The following LRRIQ3 variants were observed in gnomAD, a reference collection of about 807,000 sequenced individuals.
The protein encoded by LRRIQ3 is leucine rich repeats and IQ motif containing 3, also known as leucine-rich repeat and IQ domain-containing protein 3.
In LRRIQ3, 75 loss-of-function variants were observed where a neutral mutation model predicts 59.3. The observed-to-expected ratio is 1.26, with a 90% CI of 1.05 to 1.53. LRRIQ3 has a LOEUF of 1.53. LRRIQ3 is among the 40% of genes most tolerant of loss of function. The pLI is 0.00. For synonymous variants in LRRIQ3, 250 were observed against 231.3 expected, an observed-to-expected ratio of 1.08 and a Z score of -0.73; for missense variants, 831 against 710.0, an observed-to-expected ratio of 1.17 and a Z score of -1.94.
intron 3 of LRRIQ3, among the ~76,000 whole-genome samples, chr1:74,171,810 A>G (rs182426165): frequency 2.6e-5 from 4 of 152,268 alleles, no homozygotes; most frequent in East Asian, 3.9e-4. Flanking sequence ...CTTATTTGTT[A>G]TAGGTATGTT....
At chr1:74,095,772 G>A (rs1557612216) in intron 5 of LRRIQ3, among the ~76,000 whole-genome samples, 1 of 151,976 alleles carries the variant, frequency 6.6e-6, no homozygotes, top group Non-Finnish European at 1.5e-5. Flanking sequence ...TAACTTATAA[G>A]TTTATCCAAA....
intron 3 of LRRIQ3, among the ~76,000 whole-genome samples, chr1:74,174,241 G>A (rs1236530685): frequency 1.3e-5 from 2 of 151,354 alleles, no homozygotes; most frequent in Non-Finnish European, 2.9e-5. Flanking sequence ...TCTCTGACTG[G>A]ACACTTTCAA....
At chr1:74,036,656 G>T (rs1334288156) in intron 7 of LRRIQ3, among the ~76,000 whole-genome samples, 1 of 152,092 alleles carries the variant, frequency 6.6e-6, no homozygotes, top group Non-Finnish European at 1.5e-5. Flanking sequence ...TAATCTCATT[G>T]CTTTTTGCCA....
chr1:74,139,139 T>C (rs564675695), intron 4 of LRRIQ3, among the ~76,000 whole-genome samples: 11 of 133,704 alleles, frequency 8.2e-5, no homozygotes, highest in South Asian at 4.6e-4. Flanking sequence ...TATATATATA[T>C]ACATGTGTGT....
At chr1:74,112,343 T>G (rs1280942706) in intron 4 of LRRIQ3, among the ~76,000 whole-genome samples, 1 of 152,090 alleles carries the variant, frequency 6.6e-6, no homozygotes, top group Non-Finnish European at 1.5e-5. Context: ...GTAGAGATTA[T>G]GATGTTAAGC....
chr1:74,063,086 AAAC>A (rs1654770381), intron 6 of LRRIQ3, among the ~76,000 whole-genome samples: 2 of 151,636 alleles, frequency 1.3e-5, no homozygotes. Context: ...AAAAAAATCA[AAAC>A]AAAACAAAAC....
intron 1 of LRRIQ3, among the ~76,000 whole-genome samples, chr1:74,188,413 TA>T (rs1190519457): frequency 6.6e-6 from 1 of 152,102 alleles, no homozygotes; most frequent in Non-Finnish European, 1.5e-5. Flanking sequence ...TCCCTGAACT[TA>T]AAGCAAAAAT....
At chr1:74,034,809 T>C (rs757321639) in intron 7 of LRRIQ3, among the ~76,000 whole-genome samples, 1 of 150,840 alleles carries the variant, frequency 6.6e-6, no homozygotes, top group African/African-American at 2.4e-5. Context: ...TGCTTTTTTT[T>C]ATTTAAAACT....
chr1:74,163,619 C>A (rs1648789015), intron 3 of LRRIQ3, among the ~76,000 whole-genome samples: 1 of 151,478 alleles, frequency 6.6e-6, no homozygotes, highest in African/African-American at 2.4e-5. Flanking sequence ...GAGTACTATA[C>A]CATGGTAGGG....
chr1:74,089,488 T>C (rs917502049), intron 5 of LRRIQ3, among the ~76,000 whole-genome samples: 2 of 152,078 alleles, frequency 1.3e-5, no homozygotes, highest in African/African-American at 4.8e-5. Flanking sequence ...GAATTGTTGA[T>C]AAATGTTACA....
chr1:74,129,408 T>G (rs1646980301), intron 4 of LRRIQ3, among the ~76,000 whole-genome samples: 2 of 152,026 alleles, frequency 1.3e-5, no homozygotes, highest in African/African-American at 4.8e-5. Context: ...ACCTCTGATG[T>G]TTATTCAAGG....
chr1:74,085,370 T>A (rs917478516), intron 5 of LRRIQ3, among the ~76,000 whole-genome samples: 1 of 148,414 alleles, frequency 6.7e-6, no homozygotes, highest in East Asian at 1.9e-4. Flanking sequence ...AAATGGCTAA[T>A]ATTTTTAGTG....
At chr1:74,153,694 C>T (rs573806957) in intron 4 of LRRIQ3, among the ~76,000 whole-genome samples, 3 of 152,126 alleles carry the variant, frequency 2.0e-5, no homozygotes, top group African/African-American at 7.2e-5. Flanking sequence ...ACTATAGAGA[C>T]GACTATAATA....
chr1:74,057,697 A>C (rs1341083863), intron 6 of LRRIQ3, among the ~76,000 whole-genome samples: 5 of 152,148 alleles, frequency 3.3e-5, no homozygotes, highest in Admixed American at 6.6e-5. Flanking sequence ...GACTTTTTGA[A>C]ATAGACTTCA....
chr1:74,179,206 A>G (rs893563719), intron 3 of LRRIQ3, among the ~76,000 whole-genome samples: 1 of 152,094 alleles, frequency 6.6e-6, no homozygotes, highest in African/African-American at 2.4e-5. Context: ...ATGATTTTAG[A>G]TAACTAAGCA....
chr1:74,055,182 AT>A (rs1654492115), intron 6 of LRRIQ3, among the ~76,000 whole-genome samples: 1 of 2,796 alleles, frequency 3.6e-4, no homozygotes. Context: ...TATACACTTT[AT>A]ATATATATAT....
intron 5 of LRRIQ3, 192 bp downstream of exon 5, chr1:74,109,202 T>C (rs547325416): frequency 3.1e-4 from 160 of 513,788 alleles, no homozygotes; most frequent in African/African-American, 2.7e-3. Context: ...TACTATACTA[T>C]AGATGCACCA....
At chr1:74,151,081 G>A (rs867115230) in intron 4 of LRRIQ3, among the ~76,000 whole-genome samples, 7 of 131,548 alleles carry the variant, frequency 5.3e-5, no homozygotes, top group South Asian at 2.4e-4. Context: ...GCAGTGGCGC[G>A]ATCTCGGCTC....
At chr1:74,045,840 G>A (rs919547196) in intron 6 of LRRIQ3, among the ~76,000 whole-genome samples, 1 of 152,036 alleles carries the variant, frequency 6.6e-6, no homozygotes, top group Non-Finnish European at 1.5e-5. Context: ...CAATTCATGA[G>A]TGAACTCCCA....
Sources: allele counts gnomAD v4.1 joint callset (sites outside exome capture counted in the v4.1 genomes callset), GRCh38; gene constraint gnomAD v4.1.1; transcripts MANE v1.5; gene names NCBI Gene and HGNC (gene_info 2026-07-23, HGNC 2026-07-21).